Variants in KCND3 observed in about 807,000 individuals in gnomAD.
The protein encoded by KCND3 is A-type voltage-gated potassium channel KCND3.
KCND3 carries 9 observed loss-of-function variants against 51.1 expected under a neutral mutation model. The observed-to-expected ratio is 0.18, with a 90% CI of 0.11 to 0.31. The LOEUF is 0.31. Among genes scored for constraint, KCND3 ranks in the 10% least tolerant of loss-of-function variants. The pLI is 1.00. For synonymous variants in KCND3, 349 were observed against 368.0 expected (o/e 0.95, Z 0.59); for missense variants, 526 against 903.8 (o/e 0.58, Z 5.36).
rs78997109 is a variant in KCND3, at chr1:111,798,991, C to T, written c.1107-11885G>A. ...CATTTGCTTTGAGGTATACACCAAC[C>T]GTAACCAGGTGATCCCTGATTTGTC... On this transcript the variant is annotated intron_variant, in intron 2 of 7. Coordinates refer to ENST00000302127, the MANE Select transcript of KCND3 (RefSeq NM_001378969.1). Among the ~76,000 whole-genome samples, 45 of 152,108 alleles carry T rather than the reference C, an allele frequency of 3.0e-4. 3 individuals carry two copies. In the East Asian group the frequency reaches 6.2e-3, roughly 21 times the overall value.
chr1:111,967,328 G>A (rs545579601), intron 2 of KCND3, among the ~76,000 whole-genome samples: 6 of 152,174 alleles, frequency 3.9e-5, no homozygotes, highest in Admixed American at 6.5e-5. Flanking sequence ...TTAAGTGTCC[G>A]TCTGAGCTCA....
intron 2 of KCND3, among the ~76,000 whole-genome samples, chr1:111,958,178 G>A (rs888441289): frequency 2.6e-5 from 4 of 152,198 alleles, no homozygotes; most frequent in Non-Finnish European, 4.4e-5. Flanking sequence ...GAGTAGGACA[G>A]AGAGGTATTT....
chr1:111,875,102 AC>A (rs1327882172), intron 2 of KCND3, among the ~76,000 whole-genome samples: 1 of 152,176 alleles, frequency 6.6e-6, no homozygotes, highest in Non-Finnish European at 1.5e-5. Context: ...GGGGCTGGAC[AC>A]TTTTTCAAAG....
chr1:111,930,259 T>C (rs945724518), intron 2 of KCND3, among the ~76,000 whole-genome samples: 1 of 152,200 alleles, frequency 6.6e-6, no homozygotes, highest in Non-Finnish European at 1.5e-5. Flanking sequence ...GTGTTAGTAG[T>C]TGATAAATCC....
At chr1:111,861,485 G>A (rs1232792725) in intron 2 of KCND3, among the ~76,000 whole-genome samples, 1 of 152,182 alleles carries the variant, frequency 6.6e-6, no homozygotes, top group African/African-American at 2.4e-5. Context: ...CACTTTAAAA[G>A]GCTTTTCATT....
intron 2 of KCND3, among the ~76,000 whole-genome samples, chr1:111,913,504 A>G (rs972305263): frequency 1.3e-5 from 2 of 152,240 alleles, no homozygotes; most frequent in African/African-American, 4.8e-5. Context: ...AAAATAATCA[A>G]ACTGATTCCA....
At chr1:111,801,196 C>T (rs771974689) in intron 2 of KCND3, among the ~76,000 whole-genome samples, 44 of 152,258 alleles carry the variant, frequency 2.9e-4, no homozygotes, top group African/African-American at 8.7e-4. Context: ...CCAAAGTGGG[C>T]GTGTAAGGCA....
chr1:111,916,653 T>C (rs1671231729), intron 2 of KCND3, among the ~76,000 whole-genome samples: 1 of 151,996 alleles, frequency 6.6e-6, no homozygotes, highest in South Asian at 2.1e-4. Flanking sequence ...ATTAAAAAAA[T>C]GCCAGACTAA....
At chr1:111,907,501 C>T (rs1670703612) in intron 2 of KCND3, among the ~76,000 whole-genome samples, 1 of 152,170 alleles carries the variant, frequency 6.6e-6, no homozygotes, top group South Asian at 2.1e-4. Context: ...CAACCCACAA[C>T]CATGTGAGTC....
chr1:111,929,284 T>C (rs990914929), intron 2 of KCND3, among the ~76,000 whole-genome samples: 3 of 152,136 alleles, frequency 2.0e-5, no homozygotes, highest in Non-Finnish European at 4.4e-5. Flanking sequence ...CTATTCTCTA[T>C]TGAGCACCAC....
At chr1:111,943,653 C>G (rs1252618190) in intron 2 of KCND3, among the ~76,000 whole-genome samples, 1 of 152,214 alleles carries the variant, frequency 6.6e-6, no homozygotes, top group Non-Finnish European at 1.5e-5. Context: ...TGTGCATCAC[C>G]TGGACAGTCC....
intron 2 of KCND3, among the ~76,000 whole-genome samples, chr1:111,926,509 A>T (rs1173970397): frequency 6.6e-6 from 1 of 152,232 alleles, no homozygotes; most frequent in East Asian, 1.9e-4. Context: ...ATCACCTCAC[A>T]GGTGCCTGTC....
At chr1:111,917,424 C>T (rs569818450) in intron 2 of KCND3, among the ~76,000 whole-genome samples, 19 of 152,266 alleles carry the variant, frequency 1.2e-4, no homozygotes, top group South Asian at 1.0e-3. Context: ...TCCCTGGAAC[C>T]TCAAAAGTGC....
chr1:111,935,155 C>T lies in KCND3; in HGVS notation c.1106+46466G>A, dbSNP rs141006552. On this transcript the variant is annotated intron_variant, in intron 2 of 7. Transcript: ENST00000302127. The stretch of plus-strand genomic sequence containing the variant: ...CATTAGATTCTCAAATTCCCAAGGA[C>T]GAACTTTATTGAAATATCATTCATA... Among the ~76,000 whole-genome samples, 413 of 152,302 alleles carry T rather than the reference C, an allele frequency of 2.7e-3. 3 individuals are homozygous for T. The highest frequency in any genetic ancestry group is 4.8e-3 in the Non-Finnish European group (328 of 68,018).
At chr1:111,927,304 T>A (rs1332547664) in intron 2 of KCND3, among the ~76,000 whole-genome samples, 3 of 152,184 alleles carry the variant, frequency 2.0e-5, no homozygotes, top group African/African-American at 7.2e-5. Flanking sequence ...GCCTGCAGAC[T>A]CTGTTCTCAC....
chr1:111,831,915 G>C (rs575313716), intron 2 of KCND3, among the ~76,000 whole-genome samples: 1 of 152,200 alleles, frequency 6.6e-6, no homozygotes, highest in Non-Finnish European at 1.5e-5. Flanking sequence ...TAATCTCCCA[G>C]AGCACAGGGA....
At chr1:111,924,940 G>A (rs1181150840) in intron 2 of KCND3, among the ~76,000 whole-genome samples, 2 of 152,218 alleles carry the variant, frequency 1.3e-5, no homozygotes, top group East Asian at 3.8e-4. Context: ...GATCTGTGGA[G>A]CCAGCCCAGG....
At chr1:111,812,017 G>A (rs1471369355) in intron 2 of KCND3, among the ~76,000 whole-genome samples, 1 of 152,204 alleles carries the variant, frequency 6.6e-6, no homozygotes, top group African/African-American at 2.4e-5. Context: ...GCCTTCTGGA[G>A]GGTCAGTGTT....
At chr1:111,914,454 T>G (rs1262172685) in intron 2 of KCND3, among the ~76,000 whole-genome samples, 1 of 152,062 alleles carries the variant, frequency 6.6e-6, no homozygotes, top group East Asian at 1.9e-4. Context: ...TGCATTGAAT[T>G]CCCAGTCAAC....
Sources: allele counts gnomAD v4.1 joint callset (sites outside exome capture counted in the v4.1 genomes callset), GRCh38; gene constraint gnomAD v4.1.1; transcripts MANE v1.5; gene names NCBI Gene and HGNC (gene_info 2026-07-23, HGNC 2026-07-21).